Variants in CHLSN observed in about 807,000 individuals in gnomAD.
CHLSN encodes cholesin, also known as protein cholesin.
chr7:1,001,003 G>C, the CHLSN span, among the ~76,000 whole-genome samples: 9 of 152,222 alleles, frequency 5.9e-5, no homozygotes, highest in Non-Finnish European at 1.2e-4. Flanking sequence ...GTGGGCCTGG[G>C]GACGAGCAGC....
the CHLSN span, among the ~76,000 whole-genome samples, chr7:1,062,109 A>G: frequency 3.3e-5 from 5 of 152,366 alleles, no homozygotes; most frequent in East Asian, 7.7e-4. Flanking sequence ...CTTGACTACT[A>G]TAGTTCAAAA....
chr7:1,088,659 C>T, the CHLSN span, among the ~76,000 whole-genome samples: 1 of 152,220 alleles, frequency 6.6e-6, no homozygotes, highest in East Asian at 1.9e-4. The surrounding 1 kb of genome is among the most constrained non-coding windows in gnomAD (Gnocchi z 4.5). Context: ...CCCTGCGGTG[C>T]CCCAGTCACT....
the CHLSN span, among the ~76,000 whole-genome samples, chr7:1,065,698 C>CG: frequency 6.6e-6 from 1 of 152,196 alleles, no homozygotes; most frequent in East Asian, 1.9e-4. Context: ...TCTCCCTTGC[C>CG]GGGGTGCTGG....
the CHLSN span, among the ~76,000 whole-genome samples, chr7:1,097,889 C>T: frequency 1.3e-5 from 2 of 152,148 alleles, no homozygotes; most frequent in Non-Finnish European, 2.9e-5. The surrounding 1 kb of genome is among the most constrained non-coding windows in gnomAD (Gnocchi z 4.3). Context: ...GACGGGGAAC[C>T]AGGATGCATC....
At chr7:1,032,987 G>A in the CHLSN span, among the ~76,000 whole-genome samples, 2 of 152,178 alleles carry the variant, frequency 1.3e-5, no homozygotes, top group African/African-American at 4.8e-5. Context: ...TCTCCTCTGT[G>A]CACTCGCGGT....
the CHLSN span, among the ~76,000 whole-genome samples, chr7:1,054,710 G>A: frequency 2.6e-5 from 4 of 152,164 alleles, no homozygotes; most frequent in Admixed American, 6.5e-5. Flanking sequence ...GGCCCCACGC[G>A]GTTCCACCTG....
chr7:1,014,600 G>C, the CHLSN span, among the ~76,000 whole-genome samples: 3,165 of 152,370 alleles, frequency 0.021, 111 homozygotes, highest in African/African-American at 0.072. Context: ...CATTTCCCAG[G>C]TTTGTGAATT....
At chr7:980,288 C>T in the CHLSN span, among the ~76,000 whole-genome samples, 1 of 152,112 alleles carries the variant, frequency 6.6e-6, no homozygotes, top group South Asian at 2.1e-4. Context: ...CACAGCACTG[C>T]ATTCCTCCTG....
At chr7:1,019,526 C>T in the CHLSN span, among the ~76,000 whole-genome samples, 2 of 152,232 alleles carry the variant, frequency 1.3e-5, no homozygotes, top group Non-Finnish European at 2.9e-5. Context: ...CTCACTGCAG[C>T]ACCCGGGCTT....
At chr7:1,088,200 C>G in the CHLSN span, 7 of 152,306 alleles carry the variant, frequency 4.6e-5, no homozygotes, top group African/African-American at 1.7e-4. This position sits in a 1 kb window ranked among gnomAD's most constrained non-coding sequence, Gnocchi z 4.5. Context: ...CTCTCTAGCC[C>G]TGCTCAGGCA....
At chr7:1,039,350 G>A in the CHLSN span, among the ~76,000 whole-genome samples, 4 of 48,946 alleles carry the variant, frequency 8.2e-5, no homozygotes, top group East Asian at 1.7e-3. Flanking sequence ...CAGCCGCCCC[G>A]TCCGGGAGGG....
the CHLSN span, chr7:1,009,799 G>A: frequency 4.4e-6 from 3 of 681,760 alleles, no homozygotes; most frequent in South Asian, 2.2e-5. Context: ...GACAGAAAGG[G>A]CAGCGGCGGC....
the CHLSN span, among the ~76,000 whole-genome samples, chr7:1,037,985 A>G: frequency 3.0e-5 from 2 of 65,580 alleles, no homozygotes; most frequent in Admixed American, 1.4e-4. Context: ...GCCCCGTCTG[A>G]GAAGTGAGGA....
the CHLSN span, among the ~76,000 whole-genome samples, chr7:1,111,859 C>T: frequency 3.3e-5 from 5 of 151,956 alleles, no homozygotes; most frequent in African/African-American, 4.8e-5. Context: ...AGTGAGGACT[C>T]GCTGTGGATG....
chr7:1,119,875 CAA>C, the CHLSN span, among the ~76,000 whole-genome samples: 35 of 117,760 alleles, frequency 3.0e-4, no homozygotes, highest in Non-Finnish European at 4.0e-4. Flanking sequence ...GAAACTCCGT[CAA>C]AAAAAAAAAA....
chr7:1,046,471 G>A, the CHLSN span, among the ~76,000 whole-genome samples: 1 of 152,184 alleles, frequency 6.6e-6, no homozygotes, highest in Non-Finnish European at 1.5e-5. Context: ...ACCAGCATTA[G>A]GCTGTCCAGT....
the CHLSN span, among the ~76,000 whole-genome samples, chr7:1,033,308 A>G: frequency 6.6e-6 from 1 of 152,252 alleles, no homozygotes; most frequent in Non-Finnish European, 1.5e-5. Flanking sequence ...CTGTGATCCC[A>G]GCACTTTCGG....
At chr7:1,011,164 C>T in the CHLSN span, among the ~76,000 whole-genome samples, 10,806 of 149,236 alleles carry the variant, frequency 0.072, 420 homozygotes, top group Middle Eastern at 0.12. Context: ...CACACCCACC[C>T]ACACCCACCA....
the CHLSN span, chr7:988,161 T>G: frequency 4.8e-6 from 6 of 1,255,914 alleles, no homozygotes; most frequent in Non-Finnish European, 5.4e-6. Flanking sequence ...CAAGGTGGGC[T>G]AACACCAGGT....
Sources: allele counts gnomAD v4.1 joint callset (sites outside exome capture counted in the v4.1 genomes callset), GRCh38; gene constraint gnomAD v4.1.1; non-coding constraint Gnocchi (gnomAD v3.1); transcripts MANE v1.5; gene names NCBI Gene and HGNC (gene_info 2026-07-23, HGNC 2026-07-21).